GAGE12J: variants seen among roughly 807,000 people sequenced by gnomAD.
The protein encoded by GAGE12J is G antigen 12J, also known as G antigen 11.
Under a neutral mutation model 8.5 loss-of-function variants are expected in GAGE12J, and 5 were observed. The observed-to-expected ratio is 0.59, with a 90% CI of 0.31 to 1.24. GAGE12J has a LOEUF of 1.24. Ranked by LOEUF, GAGE12J falls within the 50% of genes most tolerant of loss-of-function variation. The pLI is 0.06. For synonymous variants in GAGE12J, 10 were observed against 19.2 expected (o/e 0.52, Z 1.25); for missense variants, 26 against 63.0 (o/e 0.41, Z 1.99).
At chrX:49,322,406 T>C (rs1207337442) in intron 1 of GAGE12J, among the ~76,000 whole-genome samples, 1 of 108,387 alleles carries the variant, frequency 9.2e-6, no homozygotes, top group Admixed American at 9.7e-5. Context: ...GTTGGGGGGA[T>C]GGAAGTCCCG....
intron 2 of GAGE12J, among the ~76,000 whole-genome samples, 190 bp from the exon 3 acceptor site, chrX:49,323,553 G>A (rs1472760855): frequency 1.9e-5 from 2 of 105,334 alleles, no homozygotes; most frequent in Admixed American, 2.0e-4. Flanking sequence ...CAAAGTCCTC[G>A]TGCGTCACTT....
At chrX:49,322,529 G>A (rs2066424007) in intron 1 of GAGE12J, among the ~76,000 whole-genome samples, 1 of 99,214 alleles carries the variant, frequency 1.0e-5, no homozygotes, top group African/African-American at 3.4e-5. Flanking sequence ...GCGGCCTGGT[G>A]AGCGCCCCCC....
rs1329247571 is a variant in GAGE12J at position 49,322,472 on chromosome X, G to A, written c.-9+328G>A. On this transcript the variant is annotated intron_variant, in intron 1 of 4. Coordinates refer to ENST00000442437, the MANE Select transcript of GAGE12J (RefSeq NM_001098406.4). ...AGATTCCCTGAATGGGGCCTCCGGC[G>A]GGGGCGAGGCGGGCGGTGAAGAAGG... Among the ~76,000 whole-genome samples the A allele has an allele frequency of 1.8e-4, 19 of 106,966 alleles. 1 individual carries two copies. The highest frequency in any genetic ancestry group is 6.0e-4 in the African/African-American group (18 of 30,203). 92.9% of individuals were successfully genotyped at this position (106,966 alleles called of 115,157 possible).
rs1222150396 is a variant in GAGE12J at position 49,322,372 on chromosome X, T to A, written c.-9+228T>A. The stretch of plus-strand genomic sequence containing the variant: ...CCGTGGAGGGGAGGCGGTCAGGGGC[T>A]CAGGTGAAGATGGGGTGAGTGCTGT... On this transcript the variant is annotated intron_variant, in intron 1 of 4. Transcript: ENST00000442437. Among the ~76,000 whole-genome samples, 7 of 107,246 alleles carry A rather than the reference T, an allele frequency of 6.5e-5. 1 individual carries two copies. Among genetic ancestry groups the A allele is most frequent in the African/African-American group, 2.3e-4 (7 of 30,195 alleles). 93.1% of individuals were successfully genotyped at this position (107,246 alleles called of 115,157 possible). A position where few individuals can be genotyped will look rare whatever the true frequency, so the allele number is the denominator to read the frequency against.
chrX:49,325,285 T>G (rs2066439943), intron 3 of GAGE12J, among the ~76,000 whole-genome samples: 1 of 87,045 alleles, frequency 1.1e-5, no homozygotes, highest in Non-Finnish European at 2.5e-5. Flanking sequence ...TAGTGGCTGG[T>G]AATGTTGCAA....
chrX:49,322,478 G>A (rs2066423646), intron 1 of GAGE12J, among the ~76,000 whole-genome samples: 1 of 106,330 alleles, frequency 9.4e-6, no homozygotes. Context: ...CGGCGGGGGC[G>A]AGGCGGGCGG....
rs782602552 is a variant in GAGE12J, at chrX:49,323,308, C to G, written c.84+31C>G. 9.0e-6 allele frequency: 10 copies of G among 1,112,099 alleles called. 1 individual carries two copies. The highest frequency in any genetic ancestry group is 4.6e-5 in the Admixed American group (2 of 43,848). The allele number at this position is 1,112,099 out of a possible 1,213,427, so 91.6% of individuals were successfully genotyped here. Reference sequence around the variant, plus strand: ...TGCTTGAACGTTAATTCGATGTTTTCTATTAGTAGAAATTAATTTTTGTGA... The same window carrying G: ...TGCTTGAACGTTAATTCGATGTTTTGTATTAGTAGAAATTAATTTTTGTGA... On this transcript the variant is annotated intron_variant, in intron 2 of 4. Transcript: ENST00000442437.
chrX:49,328,235 C>A (rs1183693623), intron 4 of GAGE12J, among the ~76,000 whole-genome samples: 1 of 66,052 alleles, frequency 1.5e-5, no homozygotes, highest in African/African-American at 3.7e-5. Context: ...TTAGGTACAT[C>A]TCCCAGTGCT....
At chrX:49,324,803 A>G (rs1334058169) in intron 3 of GAGE12J, among the ~76,000 whole-genome samples, 1 of 51,271 alleles carries the variant, frequency 2.0e-5, no homozygotes, top group Non-Finnish European at 5.0e-5. Context: ...CTTTATTTGA[A>G]CAAAGTGAAG....
Position 49,323,142 on chromosome X carries a change from G to A in GAGE12J, c.-8-44G>A, listed in dbSNP as rs2066427713. On this transcript the variant is annotated intron_variant, in intron 1 of 4. Coordinates refer to ENST00000442437, the MANE Select transcript of GAGE12J (RefSeq NM_001098406.4). ...TCCATGGAAGTGATCGAATATAGCA[G>A]CCCTGTGGAGCGCACGTTCCCAATC... is the stretch of plus-strand genomic sequence containing the variant. The A allele has an allele frequency of 1.6e-5, 17 of 1,066,681 alleles. 1 individual carries two copies. Among genetic ancestry groups the A allele is most frequent in the Admixed American group, 2.3e-5 (1 of 43,633 alleles). 87.9% of individuals were successfully genotyped at this position (1,066,681 alleles called of 1,213,427 possible). A position where few individuals can be genotyped will look rare whatever the true frequency, so the allele number is the denominator to read the frequency against.
At position 49,323,226 on chromosome X, in the gene GAGE12J, G is replaced by A; in HGVS notation, c.33G>A (p.Trp11Ter). 4 of 1,144,190 alleles carry A rather than the reference G, an allele frequency of 3.5e-6. 1 individual carries two copies. Among genetic ancestry groups the A allele is most frequent in the Non-Finnish European group, 4.8e-6 (4 of 841,206 alleles). 94.3% of individuals were successfully genotyped at this position (1,144,190 alleles called of 1,213,427 possible). A position where few individuals can be genotyped will look rare whatever the true frequency, so the allele number is the denominator to read the frequency against. Residue 11 changes from tryptophan (W) to a stop codon, truncating the protein, a stop_gained, in exon 2 of 5, where the codon TGG (tryptophan) becomes TGA (stop). Coordinates refer to ENST00000442437, the MANE Select transcript of GAGE12J (RefSeq NM_001098406.4). LOFTEE classifies it high-confidence loss of function. MSWRGRSTYYWPRPRPYVQPP... is the reference protein window; with the variant it reads MSWRGRSTYY Reference sequence around the variant, plus strand: ...GGCGAGGAAGATCGACCTATTATTGGCCTAGACCAAGACCCTATGTACAGC... The same window carrying A: ...GGCGAGGAAGATCGACCTATTATTGACCTAGACCAAGACCCTATGTACAGC...
chrX:49,325,610 C>CAG (rs1171117673), intron 3 of GAGE12J, among the ~76,000 whole-genome samples: 4 of 79,951 alleles, frequency 5.0e-5, no homozygotes, highest in African/African-American at 1.4e-4. Context: ...CACACACACA[C>CAG]ATACATACTG....
intron 3 of GAGE12J, among the ~76,000 whole-genome samples, chrX:49,325,955 C>T (rs1424533259): frequency 2.4e-4 from 1 of 4,103 alleles, no homozygotes; most frequent in Non-Finnish European, 1.7e-3. Context: ...GATTCTCATG[C>T]CTCAGCCTCC....
At chrX:49,322,402 G>A (rs1184030741) in intron 1 of GAGE12J, among the ~76,000 whole-genome samples, 2 of 109,058 alleles carry the variant, frequency 1.8e-5, no homozygotes, top group Non-Finnish European at 3.9e-5. Flanking sequence ...TGCTGTTGGG[G>A]GGATGGAAGT....
intron 4 of GAGE12J, among the ~76,000 whole-genome samples, chrX:49,328,444 T>C (rs1418449644): frequency 1.3e-5 from 1 of 75,160 alleles, no homozygotes; most frequent in African/African-American, 3.8e-5. Flanking sequence ...AACTCATCAT[T>C]TTTTAGGGCT....
intron 3 of GAGE12J, among the ~76,000 whole-genome samples, chrX:49,324,568 C>G (rs2066437424): frequency 1.4e-4 from 1 of 7,208 alleles, no homozygotes; most frequent in African/African-American, 1.9e-4. Context: ...TGAAAGGAAG[C>G]GTTTATGTAA....
At chrX:49,323,299 C>T (rs7064266) in intron 2 of GAGE12J, 22 bp downstream of exon 2, 568,457 of 1,118,392 alleles carry the variant, frequency 0.51, 119,678 homozygotes, top group South Asian at 0.56. Context: ...AACGTTAATT[C>T]GATGTTTTCT....
intron 1 of GAGE12J, among the ~76,000 whole-genome samples, chrX:49,322,430 C>A (rs1557126131): frequency 1.8e-5 from 2 of 108,911 alleles, no homozygotes; most frequent in African/African-American, 6.5e-5. Flanking sequence ...TGCCGGGAAC[C>A]CCCGACGACA....
intron 1 of GAGE12J, among the ~76,000 whole-genome samples, chrX:49,322,397 T>C (rs1413478210): frequency 6.5e-5 from 7 of 108,492 alleles, no homozygotes; most frequent in African/African-American, 2.3e-4. Context: ...GTGAGTGCTG[T>C]TGGGGGGATG....
Sources: gnomAD v4.1 joint callset for allele counts (sites outside exome capture counted in the v4.1 genomes callset) on GRCh38, gnomAD v4.1.1 for gene constraint, MANE v1.5 for transcripts, NCBI Gene and HGNC (gene_info 2026-07-23, HGNC 2026-07-21) for gene names.